The following ANKHD1 variants were observed in gnomAD, a reference collection of about 807,000 sequenced individuals.
The protein encoded by ANKHD1 is ankyrin repeat and KH domain containing 1.
ANKHD1 carries 31 observed loss-of-function variants against 230.5 expected under a neutral mutation model. The observed-to-expected ratio is 0.13, with a 90% CI of 0.10 to 0.18. ANKHD1 has a LOEUF of 0.18. Among genes scored for constraint, ANKHD1 ranks in the 10% least tolerant of loss-of-function variants. The pLI is 1.00. For synonymous variants in ANKHD1, 1,074 were observed against 1,117.6 expected, an observed-to-expected ratio of 0.96 and a Z score of 0.78; for missense variants, 2,256 against 3,071.3, an observed-to-expected ratio of 0.73 and a Z score of 6.27.
intron 29 of ANKHD1, 89 bp from the exon 30 acceptor site, chr5:140,535,273 A>G: frequency 4.7e-6 from 7 of 1,486,016 alleles, no homozygotes; most frequent in Non-Finnish European, 6.3e-6. Context: ...GGTTATTTTT[A>G]CAGCTTATCT....
chr5:140,412,470 T>C (rs1771017988), intron 1 of ANKHD1, among the ~76,000 whole-genome samples: 1 of 152,224 alleles, frequency 6.6e-6, no homozygotes, highest in Non-Finnish European at 1.5e-5. Context: ...AAAAGTTTTA[T>C]ATTTTTTAAT....
rs1753733771 is a variant in ANKHD1 at position 140,529,803 on chromosome 5, T to G, written c.6850+7T>G. ...GTTTCTACTAGTCCAGTTGGTAAGTTATTAACTATTGCTGCAGTTGAGTTT... is the reference window on the plus strand; with the variant it reads ...GTTTCTACTAGTCCAGTTGGTAAGTGATTAACTATTGCTGCAGTTGAGTTT... On this transcript the variant is annotated splice_region_variant and intron_variant, in intron 29 of 33. Transcript: ENST00000360839. 1 of 1,612,348 alleles carries G rather than the reference T, an allele frequency of 6.2e-7. No individual in the cohort carries two copies. The highest frequency in any genetic ancestry group is 2.2e-5 in the East Asian group (1 of 44,874).
intron 29 of ANKHD1, among the ~76,000 whole-genome samples, chr5:140,531,061 A>G (rs1753791357): frequency 1.3e-5 from 2 of 152,346 alleles, no homozygotes; most frequent in South Asian, 4.1e-4. Context: ...ATAGGCATCT[A>G]TTACAACTTT....
At chr5:140,456,991 G>T (rs988153204) in intron 7 of ANKHD1, among the ~76,000 whole-genome samples, 6 of 152,080 alleles carry the variant, frequency 3.9e-5, no homozygotes, top group African/African-American at 1.5e-4. Flanking sequence ...AATCTACAAT[G>T]AACTCAAACA....
At chr5:140,479,342 A>G (rs1295996537) in intron 10 of ANKHD1, among the ~76,000 whole-genome samples, 1 of 152,126 alleles carries the variant, frequency 6.6e-6, no homozygotes, top group Non-Finnish European at 1.5e-5. Context: ...TCAAGAACAG[A>G]AAAAGAAACA....
chr5:140,455,374 A>C (rs1775093450), intron 7 of ANKHD1, among the ~76,000 whole-genome samples: 1 of 152,238 alleles, frequency 6.6e-6, no homozygotes. Context: ...TGAGGCCAGC[A>C]TCATCCTAAT....
At chr5:140,491,139 C>CATATATAT (rs1193439242) in intron 14 of ANKHD1, among the ~76,000 whole-genome samples, 5 of 56,350 alleles carry the variant, frequency 8.9e-5, no homozygotes, top group Non-Finnish European at 1.6e-4. Context: ...TATATATACA[C>CATATATAT]ATATATATAT....
chr5:140,464,576 T>C (rs1775955222), intron 9 of ANKHD1, 91 bp from the exon 10 acceptor site: 5 of 1,094,314 alleles, frequency 4.6e-6, no homozygotes, highest in Non-Finnish European at 6.2e-6. Flanking sequence ...TTTCACATTT[T>C]GAATTCTTCA....
chr5:140,407,796 G>T (rs1310304903), intron 1 of ANKHD1, among the ~76,000 whole-genome samples: 1 of 151,988 alleles, frequency 6.6e-6, no homozygotes, highest in East Asian at 1.9e-4. Flanking sequence ...GTGAGACATG[G>T]TTTTCAATTT....
intron 1 of ANKHD1, among the ~76,000 whole-genome samples, chr5:140,434,510 A>G (rs770934017): frequency 2.0e-5 from 3 of 150,872 alleles, no homozygotes; most frequent in South Asian, 4.1e-4. Flanking sequence ...CATTACATAT[A>G]TTATGTAAAT....
intron 1 of ANKHD1, among the ~76,000 whole-genome samples, chr5:140,432,309 G>A (rs1009532623): frequency 5.3e-5 from 8 of 152,080 alleles, no homozygotes; most frequent in Admixed American, 2.6e-4. Context: ...GCCTATGCTG[G>A]ACATTTCATA....
Position 140,524,231 on chromosome 5 carries a change from G to A in ANKHD1, c.4483G>A (p.Asp1495Asn), listed in dbSNP as rs1200318038. 1.9e-6 allele frequency: 3 copies of A among 1,567,734 alleles called. No homozygotes were observed. The African/African-American group carries it at 4.2e-5, about 22-fold the overall frequency. The change falls in exon 25 of 34, where the codon GAT (aspartate) becomes AAT (asparagine). Residue 1495 changes from aspartate to asparagine, a missense_variant. Asp to Asn is a conservative substitution (Grantham distance 23). Around this residue, in one of 13 missense-constraint regions of ANKHD1, gnomAD observed 212 missense variants for 257.3 expected, o/e 0.82. Transcript: ENST00000360839. ...AGAGGATGAAGATGAAGAGGAGAAT[G>A]ATGAAGATGGTGAGAAACAAACCAT... ...LPEDEDEEEN[D>N]EDVEQEVPIE...
intron 9 of ANKHD1, among the ~76,000 whole-genome samples, chr5:140,462,732 A>AAAAAAAAAAC (rs1337296614): frequency 1.3e-5 from 2 of 151,530 alleles, no homozygotes; most frequent in African/African-American, 2.4e-5. Flanking sequence ...CTCAAAAAAA[A>AAAAAAAAAAC]AAAAAAAGAA....
chr5:140,403,128 C>A (rs1407312790), intron 1 of ANKHD1, among the ~76,000 whole-genome samples: 1 of 151,612 alleles, frequency 6.6e-6, no homozygotes, highest in East Asian at 2.0e-4. Context: ...CGCCACCACG[C>A]CCGACTAATT....
rs1014961396 is a variant in ANKHD1, at chr5:140,466,196, A to G, written c.1782+1420A>G. Among the ~76,000 whole-genome samples the G allele has an allele frequency of 7.9e-5, 12 of 152,208 alleles. 1 individual carries two copies. The highest frequency in any genetic ancestry group is 2.9e-4 in the African/African-American group (12 of 41,542). ...CACCTGAGGTCAGGTGTTAAAGACC[A>G]GCCGGACTAACTTGGTGAAACCCTG... On this transcript the variant is annotated intron_variant, in intron 10 of 33. Coordinates refer to ENST00000360839, the MANE Select transcript of ANKHD1 (RefSeq NM_017747.3).
Position 140,444,537 on chromosome 5 carries a change from C to T in ANKHD1, c.914-1205C>T, listed in dbSNP as rs565629876. Among the ~76,000 whole-genome samples the T allele has an allele frequency of 2.9e-4, 44 of 152,184 alleles. No homozygotes were observed. In the South Asian group the frequency reaches 8.7e-3, roughly 30 times the overall value. On this transcript the variant is annotated intron_variant, in intron 5 of 33. Coordinates refer to ENST00000360839, the MANE Select transcript of ANKHD1 (RefSeq NM_017747.3). ...TTGCAGCTCTGTGAGGGGATGTGGT[C>T]ACCTGCCTTTACTTAATGCATTTTG...
intron 2 of ANKHD1, 28 bp downstream of exon 2, chr5:140,436,285 C>A: frequency 6.7e-7 from 1 of 1,499,462 alleles, no homozygotes; most frequent in Non-Finnish European, 8.9e-7. Flanking sequence ...TTATCTTTTT[C>A]ATATCTTTAA....
Position 140,504,920 on chromosome 5 carries a change from C to G in ANKHD1, c.3104C>G (p.Ser1035Cys). 1 of 1,614,196 alleles carries G rather than the reference C, an allele frequency of 6.2e-7. No individual in the cohort carries two copies. The highest frequency in any genetic ancestry group is 8.5e-7 in the Non-Finnish European group (1 of 1,180,036). Residue 1035 changes from serine (S) to cysteine (C), a missense_variant, in exon 16 of 34, where the codon TCC becomes TGC. Around this residue, in one of 13 missense-constraint regions of ANKHD1, gnomAD observed 358 missense variants for 397.7 expected, o/e 0.90. Transcript: ENST00000360839. ...TCGCAGACTACAAGCAATGTGGCTTCCCAATCGATGCCTCCTGTGTATCCT... is the reference window on the plus strand; with the variant it reads ...TCGCAGACTACAAGCAATGTGGCTTGCCAATCGATGCCTCCTGTGTATCCT... Reference protein sequence around the residue: ...SCSQTTSNVASQSMPPVYPSV... With the variant: ...SCSQTTSNVACQSMPPVYPSV...
chr5:140,516,908 CATA>C (rs1291005556), intron 24 of ANKHD1, among the ~76,000 whole-genome samples: 4 of 151,976 alleles, frequency 2.6e-5, no homozygotes, highest in Admixed American at 2.0e-4. Context: ...CAGCTAACAT[CATA>C]ATGACAGGAT....
Sources: gnomAD v4.1 joint callset for allele counts (sites outside exome capture counted in the v4.1 genomes callset) on GRCh38, gnomAD v4.1.1 for gene constraint, gnomAD v4.1.1 regional missense constraint, MANE v1.5 for transcripts, NCBI Gene and HGNC (gene_info 2026-07-23, HGNC 2026-07-21) for gene names.